PTBP3: variants seen among roughly 807,000 people sequenced by gnomAD.
The protein encoded by PTBP3 is polypyrimidine tract binding protein 3.
In PTBP3, 20 loss-of-function variants were observed where a neutral mutation model predicts 58.7. That is an observed-to-expected ratio of 0.34 (90% CI 0.24 to 0.50). PTBP3 has a LOEUF of 0.50. Among genes scored for constraint, PTBP3 ranks in the 20% least tolerant of loss-of-function variants. PTBP3 has a pLI of 0.98. For synonymous variants in PTBP3, 185 were observed against 219.8 expected (o/e 0.84, Z 1.40); for missense variants, 509 against 637.2 (o/e 0.80, Z 2.17).
In PTBP3 at chr9:112,252,528, A is replaced by C; in HGVS notation, c.627+150T>G. ...AATGATTTTTAGCTTAGAAAAAAAA[A>C]ACATGGAATCATACACTTTAAAACG... On this transcript the variant is annotated intron_variant, in intron 6 of 13. Coordinates refer to ENST00000374257, the MANE Select transcript of PTBP3 (RefSeq NM_001163788.4). The C allele has an allele frequency of 4.7e-6, 3 of 638,468 alleles. No individual in the cohort carries two copies. In the South Asian group the frequency reaches 5.4e-5, roughly 12 times the overall value. The allele number at this position is 638,468 out of a possible 1,614,324, so 39.6% of individuals were successfully genotyped here.
chr9:112,330,472 A>G (rs377545082), intron 1 of PTBP3: 23 of 1,528,606 alleles, frequency 1.5e-5, no homozygotes, highest in Non-Finnish European at 1.6e-5. Flanking sequence ...ATCTGTAACA[A>G]CACTGTATGG....
chr9:112,375,575 C>T, the PTBP3 span, among the ~76,000 whole-genome samples: 2 of 152,180 alleles, frequency 1.3e-5, no homozygotes, highest in Admixed American at 1.3e-4. Context: ...TCATAGGGAA[C>T]TCCCCATGAG....
intron 3 of PTBP3, among the ~76,000 whole-genome samples, chr9:112,274,522 T>C (rs960508960): frequency 6.6e-6 from 1 of 152,130 alleles, no homozygotes; most frequent in African/African-American, 2.4e-5. Context: ...CAAGAGGACA[T>C]ACAATTATTA....
At position 112,275,984 on chromosome 9, in the gene PTBP3, G is replaced by A. The variant is rs143872137; in HGVS notation, c.64C>T (p.Arg22Ter). The A allele has an allele frequency of 5.8e-5, 94 of 1,612,208 alleles. No individual in the cohort carries two copies. Among genetic ancestry groups the A allele is most frequent in the African/African-American group, 3.9e-4 (29 of 74,968 alleles). ...ANGNDSKKFKRDRPPCSPSRV... is the reference protein window; with the variant it reads ...ANGNDSKKFK ...GAAGGCGAACAGGGAGGTCTATCTC[G>A]TTTAAATTTCTTGCTGTCATTCCCA... The change falls in exon 3 of 14, where the codon CGA (arginine) becomes TGA (stop). Residue 22 changes from arginine to a stop codon, truncating the protein, a stop_gained. Coordinates refer to ENST00000374257, the MANE Select transcript of PTBP3 (RefSeq NM_001163788.4). LOFTEE classifies it high-confidence loss of function.
chr9:112,368,360 AG>A, the PTBP3 span, among the ~76,000 whole-genome samples: 1 of 152,070 alleles, frequency 6.6e-6, no homozygotes, highest in Non-Finnish European at 1.5e-5. Flanking sequence ...TAGTAGAGAC[AG>A]GGTTTCGCCA....
At chr9:112,281,418 G>C (rs564173859) in intron 2 of PTBP3, 1 of 152,142 alleles carries the variant, frequency 6.6e-6, no homozygotes, top group Non-Finnish European at 1.5e-5. Flanking sequence ...GACTTCCACC[G>C]CTGCAGCTTG....
Position 112,221,048 on chromosome 9 carries a change from CTA to C in PTBP3, c.*2801_*2802del. The C allele has an allele frequency of 2.0e-6, 2 of 981,520 alleles. No individual in the cohort carries two copies. The highest frequency in any genetic ancestry group is 2.4e-6 in the Non-Finnish European group (2 of 826,486). 60.8% of individuals were successfully genotyped at this position (981,520 alleles called of 1,614,324 possible). ...ATGCCAACACAAATACTGTAGACCT[CTA>C]TAATTCAAACAGCAAATAGCTTAAT... is the stretch of plus-strand genomic sequence containing the variant. On this transcript the variant is annotated 3_prime_UTR_variant, in exon 14 of 14. Coordinates refer to ENST00000374257, the MANE Select transcript of PTBP3 (RefSeq NM_001163788.4).
At chr9:112,282,421 A>G (rs1827911288) in intron 2 of PTBP3, among the ~76,000 whole-genome samples, 1 of 151,996 alleles carries the variant, frequency 6.6e-6, no homozygotes, top group Non-Finnish European at 1.5e-5. Context: ...AGGGTTTAAC[A>G]TGTTCTTTTT....
At chr9:112,268,777 C>T (rs1324707120) in intron 3 of PTBP3, among the ~76,000 whole-genome samples, 3 of 150,414 alleles carry the variant, frequency 2.0e-5, no homozygotes, top group South Asian at 2.1e-4. Context: ...ATGCAGTTTT[C>T]GGTTTTCCTT....
chr9:112,317,445 G>A (rs889419196), intron 1 of PTBP3, among the ~76,000 whole-genome samples: 1 of 151,550 alleles, frequency 6.6e-6, no homozygotes, highest in Non-Finnish European at 1.5e-5. Context: ...TAAACTCAAT[G>A]TAAATAGAAA....
chr9:112,221,121 T>TG lies in PTBP3; in HGVS notation c.*2729dup. ...ACAGCTAATTTTAGACACAAACTGA[T>TG]GGTTTCAAACATGCTATTTTAAAAC... On this transcript the variant is annotated 3_prime_UTR_variant, in exon 14 of 14. Coordinates refer to ENST00000374257, the MANE Select transcript of PTBP3 (RefSeq NM_001163788.4). The TG allele has an allele frequency of 1.0e-6, 1 of 985,698 alleles. No individual in the cohort carries two copies. The highest frequency in any genetic ancestry group is 1.2e-6 in the Non-Finnish European group (1 of 829,934). 61.1% of individuals were successfully genotyped at this position (985,698 alleles called of 1,614,324 possible).
chr9:112,236,010 A>G (rs10817296), intron 7 of PTBP3, among the ~76,000 whole-genome samples: 42,901 of 151,904 alleles, frequency 0.28, 6,867 homozygotes, highest in South Asian at 0.4. Flanking sequence ...AAGTAGTGAG[A>G]GGTTGGACTG....
the PTBP3 span, among the ~76,000 whole-genome samples, chr9:112,372,961 C>T: frequency 4.7e-5 from 7 of 149,030 alleles, no homozygotes; most frequent in African/African-American, 1.7e-4. Context: ...TGCAATGGTG[C>T]GATCTCAGCT....
chr9:112,232,436 T>C (rs1835282647), intron 8 of PTBP3, among the ~76,000 whole-genome samples, 198 bp from the exon 9 acceptor site: 1 of 152,182 alleles, frequency 6.6e-6, no homozygotes, highest in Admixed American at 6.5e-5. Flanking sequence ...GACATTACTA[T>C]ACTTAGTGCT....
chr9:112,224,056 G>C, intron 13 of PTBP3, 73 bp from the exon 14 acceptor site: 1 of 1,555,812 alleles, frequency 6.4e-7, no homozygotes, highest in Non-Finnish European at 8.8e-7. Flanking sequence ...TCCACCAGAA[G>C]ACTTCACTGA....
chr9:112,218,231 G>A (rs1589783243), downstream of PTBP3: 2 of 152,212 alleles, frequency 1.3e-5, no homozygotes, highest in East Asian at 1.9e-4. Context: ...TCCTCAAAAC[G>A]AGAATTATTC....
chr9:112,227,067 T>C (rs1231742190), intron 12 of PTBP3, among the ~76,000 whole-genome samples: 1 of 152,220 alleles, frequency 6.6e-6, no homozygotes, highest in Non-Finnish European at 1.5e-5. Flanking sequence ...GATTTTGTCA[T>C]ATTGGTTAAC....
chr9:112,339,786 A>G, the PTBP3 span, among the ~76,000 whole-genome samples: 4 of 150,756 alleles, frequency 2.7e-5, no homozygotes, highest in African/African-American at 4.9e-5. Flanking sequence ...CTGGTTTCCA[A>G]CTCCTAACTT....
Position 112,313,592 on chromosome 9 carries a change from A to C in PTBP3, c.-51-15676T>G, listed in dbSNP as rs570444510. 9.8e-5 allele frequency among the ~76,000 whole-genome samples: 15 copies of C among 152,324 alleles called. No homozygotes were observed. The South Asian group carries it at 3.1e-3, about 32-fold the overall frequency. On this transcript the variant is annotated intron_variant, in intron 1 of 13. Transcript: ENST00000374257. ...CCGGAATCATCTCAAGGCTTAACAG[A>C]ACACATGAAGGATCCACTTCCACAC...
Sources: gnomAD v4.1 joint callset for allele counts (sites outside exome capture counted in the v4.1 genomes callset) on GRCh38, gnomAD v4.1.1 for gene constraint, MANE v1.5 for transcripts, NCBI Gene and HGNC (gene_info 2026-07-23, HGNC 2026-07-21) for gene names.